The following LRRC36 variants were observed in gnomAD, a reference collection of about 807,000 sequenced individuals.
The protein encoded by LRRC36 is leucine-rich repeat-containing protein 36.
Under a neutral mutation model 81.1 loss-of-function variants are expected in LRRC36, and 62 were observed. The observed-to-expected ratio is 0.76, with a 90% CI of 0.62 to 0.94. The LOEUF is 0.94. LRRC36 is among the 40% of genes least tolerant of loss of function. The pLI is 0.00. For missense variants in LRRC36, 761 were observed against 881.7 expected (o/e 0.86, Z 1.73); for synonymous variants, 334 against 348.6 (o/e 0.96, Z 0.47).
In LRRC36 at chr16:67,384,969, T is replaced by C; in HGVS notation, c.2145T>C (p.His715=). ...KALLPPEKGH[H]LGRSSPFGKS... The stretch of plus-strand genomic sequence containing the variant: ...TCCTGCCTCCTGAGAAGGGTCATCA[T>C]CTGGGGAGATCATCGCCCTTTGGGA... Residue 715 remains histidine, a synonymous_variant, in exon 14 of 14, where the codon CAT becomes CAC. Transcript: ENST00000329956. 1 of 1,614,228 alleles carries C rather than the reference T, an allele frequency of 6.2e-7. No homozygotes were observed. The highest frequency in any genetic ancestry group is 8.5e-7 in the Non-Finnish European group (1 of 1,180,034).
intron 1 of LRRC36, among the ~76,000 whole-genome samples, chr16:67,329,569 C>T (rs1267401730): frequency 1.3e-5 from 2 of 151,364 alleles, no homozygotes; most frequent in African/African-American, 2.4e-5. Flanking sequence ...TTCTTGATAT[C>T]ATGAAATATC....
At chr16:67,348,801 C>T (rs2038477972) in intron 4 of LRRC36, among the ~76,000 whole-genome samples, 1 of 152,114 alleles carries the variant, frequency 6.6e-6, no homozygotes, top group African/African-American at 2.4e-5. Context: ...TTGCTAGAAC[C>T]GTGTCTGGAA....
chr16:67,384,434 C>T (rs1037508816), intron 13 of LRRC36, among the ~76,000 whole-genome samples: 12 of 150,696 alleles, frequency 8.0e-5, no homozygotes, highest in African/African-American at 2.0e-4. Context: ...AACTCTATCT[C>T]GAAAAAAAAA....
intron 12 of LRRC36, among the ~76,000 whole-genome samples, chr16:67,379,575 C>T (rs1339051174): frequency 2.0e-5 from 3 of 151,840 alleles, no homozygotes; most frequent in Admixed American, 6.6e-5. Context: ...AAATTAGCTG[C>T]GCGTGGTGGC....
chr16:67,379,938 A>C lies in LRRC36; in HGVS notation c.1930+1226A>C, dbSNP rs2040049911. On this transcript the variant is annotated intron_variant, in intron 12 of 13. Transcript: ENST00000329956. The stretch of plus-strand genomic sequence containing the variant: ...TAGGCATTTCTACAGTATCACAAGA[A>C]TATACCATATTTATCTATTTTGTCC... Among the ~76,000 whole-genome samples the C allele has an allele frequency of 2.0e-5, 3 of 152,130 alleles. No homozygotes were observed. In the South Asian group the frequency reaches 6.2e-4, roughly 32 times the overall value.
intron 5 of LRRC36, among the ~76,000 whole-genome samples, chr16:67,361,433 T>G (rs2039141677): frequency 6.6e-6 from 1 of 152,178 alleles, no homozygotes; most frequent in Non-Finnish European, 1.5e-5. Flanking sequence ...TTAAAATAAT[T>G]TTTCTAATCA....
At chr16:67,352,642 CTTATTTATTTATTTATTTATTTAT>C (rs140957876) in intron 5 of LRRC36, among the ~76,000 whole-genome samples, 6 of 142,778 alleles carry the variant, frequency 4.2e-5, no homozygotes, top group African/African-American at 1.6e-4. Context: ...AAATAAATGT[CTTATTTATTTATTTATTTATTTAT>C]TTATTTATTT....
chr16:67,356,914 A>T (rs1445703759), intron 5 of LRRC36, among the ~76,000 whole-genome samples: 3 of 152,228 alleles, frequency 2.0e-5, no homozygotes, highest in Non-Finnish European at 4.4e-5. Flanking sequence ...AGATAAGGCC[A>T]AGTTGCAAAG....
Position 67,367,012 on chromosome 16 carries a change from T to G in LRRC36, c.755-5T>G. On this transcript the variant is annotated splice_polypyrimidine_tract_variant and splice_region_variant and intron_variant, in intron 7 of 13. Transcript: ENST00000329956. ...GTTTTGTTTTTTTGCCTTGGTGGTG[T>G]TTAGAGTTCAGACACTACTCGCCTC... 6.3e-7 allele frequency: 1 copy of G among 1,585,534 alleles called. No individual in the cohort carries two copies. Among genetic ancestry groups the G allele is most frequent in the Non-Finnish European group, 8.6e-7 (1 of 1,167,516 alleles).
At chr16:67,372,806 G>A (rs911407111) in intron 9 of LRRC36, among the ~76,000 whole-genome samples, 1 of 152,132 alleles carries the variant, frequency 6.6e-6, no homozygotes, top group Non-Finnish European at 1.5e-5. Context: ...TACTGTTAAA[G>A]ACTTCCTATT....
At chr16:67,330,022 C>T (rs75689418) in intron 1 of LRRC36, among the ~76,000 whole-genome samples, 2,268 of 152,192 alleles carry the variant, frequency 0.015, 59 homozygotes, top group African/African-American at 0.05. Flanking sequence ...TTTTTTCCCT[C>T]GCATTTTCAA....
In LRRC36 at chr16:67,363,727, C is replaced by T. The variant is rs2039264784; in HGVS notation, c.702+13C>T. ...ACTGGGGACACAGGTAATGTATTCA[C>T]TCTCCTGCTGATCTGTTGACTAGTC... is the stretch of plus-strand genomic sequence containing the variant. On this transcript the variant is annotated intron_variant, in intron 6 of 13. Coordinates refer to ENST00000329956, the MANE Select transcript of LRRC36 (RefSeq NM_018296.6). 1 of 1,612,652 alleles carries T rather than the reference C, an allele frequency of 6.2e-7. No individual in the cohort carries two copies. The highest frequency in any genetic ancestry group is 8.5e-7 in the Non-Finnish European group (1 of 1,179,050).
Position 67,371,025 on chromosome 16 carries a change from A to G in LRRC36, c.1277A>G (p.Asp426Gly). 1 of 1,614,184 alleles carries G rather than the reference A, an allele frequency of 6.2e-7. No individual in the cohort carries two copies. Reference protein sequence around the residue: ...VEQQLSTSLDDLTPAHGSVPN... With the variant: ...VEQQLSTSLDGLTPAHGSVPN... ...CAACAATTATCTACCAGCCTGGATG[A>G]TTTAACACCAGCACATGGTTCTGTC... is the stretch of plus-strand genomic sequence containing the variant. Residue 426 changes from aspartate to glycine, a missense_variant, in exon 9 of 14, where the codon GAT becomes GGT. Asp to Gly is a moderately conservative substitution (Grantham distance 94). Transcript: ENST00000329956.
intron 5 of LRRC36, among the ~76,000 whole-genome samples, chr16:67,361,419 A>T (rs1338575044): frequency 1.3e-5 from 2 of 152,172 alleles, no homozygotes; most frequent in African/African-American, 4.8e-5. Context: ...TTTACTTTTT[A>T]TTTTTAAAAT....
At position 67,382,066 on chromosome 16, in the gene LRRC36, C is replaced by T. The variant is rs1432807271; in HGVS notation, c.1931-67C>T. On this transcript the variant is annotated intron_variant, in intron 12 of 13. Coordinates refer to ENST00000329956, the MANE Select transcript of LRRC36 (RefSeq NM_018296.6). ...AGTTCTCAAGATGTCCATCTGAATACTTATATTCTGCTCAAAGACTAGCAG... is the reference window on the plus strand; with the variant it reads ...AGTTCTCAAGATGTCCATCTGAATATTTATATTCTGCTCAAAGACTAGCAG... 2.7e-6 allele frequency: 3 copies of T among 1,097,564 alleles called. No homozygotes were observed. In the African/African-American group the frequency reaches 4.7e-5, roughly 17 times the overall value. 68.0% of individuals were successfully genotyped at this position (1,097,564 alleles called of 1,614,324 possible).
At chr16:67,356,726 G>A (rs535220109) in intron 5 of LRRC36, among the ~76,000 whole-genome samples, 10 of 152,268 alleles carry the variant, frequency 6.6e-5, no homozygotes, top group Non-Finnish European at 1.2e-4. Context: ...GAGGAGAGGC[G>A]GTTGCAGTTA....
intron 2 of LRRC36, among the ~76,000 whole-genome samples, chr16:67,342,750 AT>A (rs576181920): frequency 1.3e-5 from 2 of 152,100 alleles, no homozygotes; most frequent in African/African-American, 4.8e-5. Flanking sequence ...TCATGTTCCC[AT>A]TTTGCCCAAG....
chr16:67,360,030 C>T (rs888494752), intron 5 of LRRC36, among the ~76,000 whole-genome samples: 5 of 151,226 alleles, frequency 3.3e-5, no homozygotes, highest in South Asian at 4.2e-4. Context: ...GAGGCTGAGG[C>T]GGGAGAATTG....
Position 67,326,902 on chromosome 16 carries a change from C to T in LRRC36, c.40C>T (p.Arg14Cys), listed in dbSNP as rs1015552503. 19 of 1,475,150 alleles carry T rather than the reference C, an allele frequency of 1.3e-5. No individual in the cohort carries two copies. Among genetic ancestry groups the T allele is most frequent in the African/African-American group, 4.5e-5 (3 of 67,378 alleles). The allele number at this position is 1,475,150 out of a possible 1,614,324, so 91.4% of individuals were successfully genotyped here. ...GGAGCTGGACGAGGAAGGCATTCGC[C>T]GCCTGGGGGCGCTGACGCTGGAGCA... Reference protein sequence around the residue: ...QWELDEEGIRRLGALTLEQPE... With the variant: ...QWELDEEGIRCLGALTLEQPE... The change falls in exon 1 of 14, where the codon CGC becomes TGC. Residue 14 changes from arginine to cysteine, a missense_variant. Physicochemically the swap from Arg to Cys is radical, Grantham distance 180. Coordinates refer to ENST00000329956, the MANE Select transcript of LRRC36 (RefSeq NM_018296.6).
Sources: gnomAD v4.1 joint callset for allele counts (sites outside exome capture counted in the v4.1 genomes callset) on GRCh38, gnomAD v4.1.1 for gene constraint, MANE v1.5 for transcripts, NCBI Gene and HGNC (gene_info 2026-07-23, HGNC 2026-07-21) for gene names.